Variants in CCSER1 observed in about 807,000 individuals in gnomAD.
CCSER1 encodes the protein coiled-coil serine rich protein 1.
In CCSER1, 41 loss-of-function variants were observed where a neutral mutation model predicts 82.0. The ratio of observed to expected loss-of-function variants is 0.50; its 90% confidence interval spans 0.39 to 0.65. The LOEUF (loss-of-function observed/expected upper bound fraction) is 0.65. Ranked by LOEUF, CCSER1 falls within the 30% of genes least tolerant of loss-of-function variation. The pLI is 0.00. For synonymous variants in CCSER1, 414 were observed against 383.9 expected (o/e 1.08, Z -0.92); for missense variants, 1,119 against 1,064.2 (o/e 1.05, Z -0.72).
At chr4:90,717,189 A>G (rs1741783346) in intron 6 of CCSER1, among the ~76,000 whole-genome samples, 1 of 152,128 alleles carries the variant, frequency 6.6e-6, no homozygotes, top group Non-Finnish European at 1.5e-5. Flanking sequence ...GGCCTTGATT[A>G]TATGCTCACA....
intron 10 of CCSER1, among the ~76,000 whole-genome samples, chr4:91,465,805 A>G (rs945144568): frequency 5.3e-5 from 8 of 152,210 alleles, no homozygotes; most frequent in African/African-American, 1.9e-4. Flanking sequence ...TAAACCAGGA[A>G]GAAGCTGAAT....
chr4:91,563,278 T>C (rs1219878857), intron 10 of CCSER1, among the ~76,000 whole-genome samples: 1 of 151,658 alleles, frequency 6.6e-6, no homozygotes, highest in Non-Finnish European at 1.5e-5. Context: ...TTCTCAACAA[T>C]ATACTAGGTA....
At chr4:90,292,844 T>G (rs1007993582) in intron 1 of CCSER1, among the ~76,000 whole-genome samples, 7 of 151,928 alleles carry the variant, frequency 4.6e-5, no homozygotes, top group African/African-American at 1.7e-4. Context: ...TTGTCAGGTA[T>G]CTGTATTACT....
intron 10 of CCSER1, among the ~76,000 whole-genome samples, chr4:91,468,504 A>T (rs574890730): frequency 1.9e-4 from 27 of 143,468 alleles, no homozygotes; most frequent in African/African-American, 3.5e-4. Context: ...ACATATAATT[A>T]AAAAAAAAAG....
chr4:90,920,716 G>A (rs574855069), intron 8 of CCSER1, among the ~76,000 whole-genome samples: 11 of 151,836 alleles, frequency 7.2e-5, no homozygotes, highest in Non-Finnish European at 1.5e-4. Flanking sequence ...TATAGAATGC[G>A]AATTGTCTTA....
At chr4:90,826,879 AG>A (rs1309549431) in intron 8 of CCSER1, among the ~76,000 whole-genome samples, 6 of 152,238 alleles carry the variant, frequency 3.9e-5, no homozygotes, top group South Asian at 2.1e-4. Context: ...AGTAGCAGTC[AG>A]ACTTGGGTGG....
chr4:90,712,558 T>A (rs1740832137), intron 6 of CCSER1, among the ~76,000 whole-genome samples: 1 of 152,142 alleles, frequency 6.6e-6, no homozygotes, highest in Non-Finnish European at 1.5e-5. Flanking sequence ...ACTTCTAATT[T>A]TGTGATCAAT....
chr4:90,688,145 T>C (rs1416400814), intron 6 of CCSER1, among the ~76,000 whole-genome samples: 1 of 152,168 alleles, frequency 6.6e-6, no homozygotes, highest in East Asian at 1.9e-4. Flanking sequence ...GGAGTCTACC[T>C]AGGCCACGTG....
At chr4:90,889,959 A>T (rs1338984526) in intron 8 of CCSER1, among the ~76,000 whole-genome samples, 1 of 152,184 alleles carries the variant, frequency 6.6e-6, no homozygotes, top group Non-Finnish European at 1.5e-5. Flanking sequence ...GTGATGCCTA[A>T]AAGTAAATAT....
chr4:90,288,527 G>T (rs1316753024), intron 1 of CCSER1, among the ~76,000 whole-genome samples: 1 of 151,880 alleles, frequency 6.6e-6, no homozygotes, highest in Non-Finnish European at 1.5e-5. Context: ...AAAGGGACTA[G>T]CCCCTCTAAT....
At chr4:91,485,756 A>G (rs910310297) in intron 10 of CCSER1, among the ~76,000 whole-genome samples, 1 of 152,152 alleles carries the variant, frequency 6.6e-6, no homozygotes, top group Non-Finnish European at 1.5e-5. Flanking sequence ...AAATGGCATT[A>G]TTTTCACTTC....
intron 8 of CCSER1, among the ~76,000 whole-genome samples, chr4:90,855,106 C>T (rs1376099670): frequency 1.3e-5 from 2 of 152,102 alleles, no homozygotes; most frequent in Admixed American, 6.6e-5. Flanking sequence ...ATGATCCAGT[C>T]CAGTCACCTC....
intron 1 of CCSER1, among the ~76,000 whole-genome samples, chr4:90,167,950 T>G (rs1344381692): frequency 1.3e-5 from 2 of 152,156 alleles, no homozygotes; most frequent in Non-Finnish European, 2.9e-5. Flanking sequence ...TGCATGTGTC[T>G]TTATAGCAGC....
At chr4:91,329,938 A>G (rs1452706796) in intron 10 of CCSER1, among the ~76,000 whole-genome samples, 1 of 151,686 alleles carries the variant, frequency 6.6e-6, no homozygotes, top group Non-Finnish European at 1.5e-5. Flanking sequence ...ATTTTGCTTT[A>G]TTGCTCCTCC....
Position 90,706,851 on chromosome 4 carries a change from T to C in CCSER1, c.1933-17063T>C, listed in dbSNP as rs777959739. Among the ~76,000 whole-genome samples the C allele has an allele frequency of 4.6e-3, 696 of 152,310 alleles. 4 individuals carry two copies. The highest frequency in any genetic ancestry group is 6.5e-3 in the Non-Finnish European group (442 of 68,020). On this transcript the variant is annotated intron_variant, in intron 6 of 10. Transcript: ENST00000509176. ...ACAGGATATGCTAAACCATTTGTCC[T>C]TTTTGAGAGGGTTTGTGAAAGAATG...
At chr4:90,333,547 A>AT (rs1244917399) in intron 3 of CCSER1, among the ~76,000 whole-genome samples, 1 of 152,252 alleles carries the variant, frequency 6.6e-6, no homozygotes, top group Non-Finnish European at 1.5e-5. Context: ...AAGAAGAGAC[A>AT]TGCCTGGTCT....
chr4:90,536,728 T>C (rs1402251538), intron 5 of CCSER1, among the ~76,000 whole-genome samples: 3 of 152,244 alleles, frequency 2.0e-5, no homozygotes, highest in Non-Finnish European at 2.9e-5. Context: ...TGATGCTGCA[T>C]TGAATTTAGT....
At chr4:90,944,185 T>A (rs1037384764) in intron 9 of CCSER1, among the ~76,000 whole-genome samples, 8 of 144,276 alleles carry the variant, frequency 5.5e-5, no homozygotes, top group Non-Finnish European at 1.0e-4. Context: ...TGAGCTGAGA[T>A]GACGCCACTG....
At chr4:90,169,151 T>C (rs1228873275) in intron 1 of CCSER1, among the ~76,000 whole-genome samples, 1 of 152,060 alleles carries the variant, frequency 6.6e-6, no homozygotes, top group Admixed American at 6.6e-5. Context: ...TTTTATTTCA[T>C]TGAGCAGTGG....
Sources: gnomAD v4.1 joint callset for allele counts (sites outside exome capture counted in the v4.1 genomes callset) on GRCh38, gnomAD v4.1.1 for gene constraint, MANE v1.5 for transcripts, NCBI Gene and HGNC (gene_info 2026-07-23, HGNC 2026-07-21) for gene names.